Variants in SPRY3 observed in about 807,000 individuals in gnomAD.
SPRY3 encodes the protein sprouty RTK signaling antagonist 3.
SPRY3 carries 15 observed loss-of-function variants against 20.2 expected under a neutral mutation model. The ratio of observed to expected loss-of-function variants is 0.74; its 90% CI spans 0.50 to 1.14. The LOEUF (loss-of-function observed/expected upper bound fraction) is 1.14, where lower values mean the gene tolerates loss of function less well. SPRY3 is among the 50% of genes most tolerant of loss of function. The pLI is 0.00. For synonymous variants in SPRY3, 143 were observed against 136.5 expected, an observed-to-expected ratio of 1.05 and a Z score of -0.33; for missense variants, 364 against 363.9, an observed-to-expected ratio of 1.00 and a Z score of 0.00.
intron 2 of SPRY3, among the ~76,000 whole-genome samples, chrX:155,741,162 C>T (rs997395672): frequency 2.0e-5 from 3 of 152,012 alleles, no homozygotes; most frequent in South Asian, 2.1e-4. Context: ...GCATAAATGA[C>T]GTGATGGAGC....
exon 4 of SPRY3, chrX:155,775,169 G>A (rs1372738428): frequency 1.9e-5 from 4 of 210,780 alleles, no homozygotes; most frequent in East Asian, 1.2e-4. Flanking sequence ...GTGGAACAGC[G>A]TTCAACCTTC....
chrX:155,632,246 C>CACACACAT (rs1557350580), intron 1 of SPRY3, among the ~76,000 whole-genome samples: 3 of 109,788 alleles, frequency 2.7e-5, no homozygotes, highest in Non-Finnish European at 5.7e-5. Flanking sequence ...CACACACACA[C>CACACACAT]GCACACACAC....
In SPRY3 at chrX:155,689,765, AC is replaced by A. The variant is rs1425422829; in HGVS notation, c.-282+32741del. Reference sequence around the variant, plus strand: ...TCTATTTTATTGATTTAAAAAAAAAACAACTCCTGGATTCATTTATCTTTTG... The same window carrying A: ...TCTATTTTATTGATTTAAAAAAAAAAAACTCCTGGATTCATTTATCTTTTG... On this transcript the variant is annotated intron_variant, in intron 2 of 3. Coordinates refer to ENST00000675360, the Ensembl canonical transcript of SPRY3. Among the ~76,000 whole-genome samples, 20 of 85,062 alleles carry A rather than the reference AC, an allele frequency of 2.4e-4. 5 individuals carry two copies. Among genetic ancestry groups the A allele is most frequent in the African/African-American group, 1.1e-3 (20 of 17,525 alleles). 73.9% of individuals were successfully genotyped at this position (85,062 alleles called of 115,157 possible).
downstream of SPRY3, chrX:155,780,381 G>A (rs2091456218): frequency 6.0e-6 from 1 of 166,890 alleles, no homozygotes; most frequent in Non-Finnish European, 1.5e-5. Flanking sequence ...TGTGAACCCT[G>A]AAGAGTCATT....
intron 2 of SPRY3, among the ~76,000 whole-genome samples, chrX:155,767,439 G>GT (rs1470791665): frequency 6.6e-6 from 1 of 152,010 alleles, no homozygotes; most frequent in Non-Finnish European, 1.5e-5. Flanking sequence ...CACACTGGCG[G>GT]TATCTATTGC....
At chrX:155,694,508 T>C (rs927311810) in intron 2 of SPRY3, among the ~76,000 whole-genome samples, 2 of 111,644 alleles carry the variant, frequency 1.8e-5, no homozygotes, top group African/African-American at 6.5e-5. Flanking sequence ...AATTTTTCCA[T>C]GGACCGGGGT....
chrX:155,774,121 A>G (rs751249485), exon 4 of SPRY3: 2 of 1,613,974 alleles, frequency 1.2e-6, no homozygotes, highest in South Asian at 2.2e-5. Flanking sequence ...CCAATCTAGC[A>G]TTGCCAGCTC....
rs192000977 is a variant in SPRY3 at position 155,685,465 on chromosome X, G to C, written c.-282+28440G>C. Among the ~76,000 whole-genome samples the C allele has an allele frequency of 2.1e-4, 23 of 107,718 alleles. No individual in the cohort carries two copies. The Admixed American group carries it at 2.3e-3, about 11-fold the overall frequency. The allele number at this position is 107,718 out of a possible 115,157, so 93.5% of individuals were successfully genotyped here. ...ATACAAGTACAGGTTTGCTACATAG[G>C]TAAACTTGTGTCATAAGGGTTTGTT... On this transcript the variant is annotated intron_variant, in intron 2 of 3. Coordinates refer to ENST00000675360, the Ensembl canonical transcript of SPRY3.
intron 2 of SPRY3, among the ~76,000 whole-genome samples, chrX:155,668,698 C>T (rs2068031691): frequency 9.1e-6 from 1 of 110,141 alleles, no homozygotes; most frequent in African/African-American, 3.3e-5. Context: ...CCTAGAGGAA[C>T]TTCCTCTCCT....
chrX:155,684,594 T>G (rs1438052970), intron 2 of SPRY3, among the ~76,000 whole-genome samples: 2 of 111,946 alleles, frequency 1.8e-5, no homozygotes, highest in Non-Finnish European at 1.9e-5. Flanking sequence ...GAACATCCTA[T>G]CAGACATTTT....
chrX:155,751,683 T>C (rs1385886249), intron 2 of SPRY3, among the ~76,000 whole-genome samples: 3 of 148,438 alleles, frequency 2.0e-5, no homozygotes, highest in African/African-American at 7.6e-5. Context: ...ATGTTTACTA[T>C]ATAGATTTTT....
At chrX:155,718,558 G>C (rs1296316015) in intron 2 of SPRY3, among the ~76,000 whole-genome samples, 1 of 151,976 alleles carries the variant, frequency 6.6e-6, no homozygotes, top group Non-Finnish European at 1.5e-5. Context: ...TGAGACAAAA[G>C]GGTGTTTGAA....
chrX:155,627,053 G>T (rs1170763817), intron 1 of SPRY3, among the ~76,000 whole-genome samples: 1 of 111,799 alleles, frequency 8.9e-6, no homozygotes, highest in Non-Finnish European at 1.9e-5. Flanking sequence ...ATTAACAAAA[G>T]TGCATTATCA....
At chrX:155,708,570 T>G (rs1333663169) in intron 2 of SPRY3, among the ~76,000 whole-genome samples, 1 of 151,404 alleles carries the variant, frequency 6.6e-6, no homozygotes, top group African/African-American at 2.4e-5. Context: ...TTTGAGAAGT[T>G]GTTATTTTTG....
chrX:155,759,532 T>C (rs2091296102), intron 2 of SPRY3, among the ~76,000 whole-genome samples: 1 of 151,948 alleles, frequency 6.6e-6, no homozygotes, highest in Non-Finnish European at 1.5e-5. Context: ...CATATCGCTA[T>C]ATATATATCT....
intron 2 of SPRY3, among the ~76,000 whole-genome samples, chrX:155,709,411 G>A (rs777877244): frequency 4.0e-5 from 6 of 151,898 alleles, no homozygotes; most frequent in Admixed American, 3.3e-4. Context: ...TTTATCTGAT[G>A]AGCAATGATG....
At chrX:155,736,238 A>T (rs1285711606) in intron 2 of SPRY3, among the ~76,000 whole-genome samples, 4 of 151,964 alleles carry the variant, frequency 2.6e-5, no homozygotes, top group Non-Finnish European at 5.9e-5. Flanking sequence ...GAAAAATAAA[A>T]TATTTTATTT....
At chrX:155,720,807 A>G (rs1006282074) in intron 2 of SPRY3, among the ~76,000 whole-genome samples, 3 of 152,190 alleles carry the variant, frequency 2.0e-5, no homozygotes, top group Non-Finnish European at 2.9e-5. Flanking sequence ...AAGCCTTCCC[A>G]AAAAGGTTGG....
intron 2 of SPRY3, among the ~76,000 whole-genome samples, chrX:155,698,139 T>G (rs1381741071): frequency 9.0e-6 from 1 of 111,185 alleles, no homozygotes; most frequent in Non-Finnish European, 1.9e-5. Context: ...CTGCATTCAA[T>G]GCAAGAAATA....
Sources: allele counts gnomAD v4.1 joint callset (sites outside exome capture counted in the v4.1 genomes callset), GRCh38; gene constraint gnomAD v4.1.1; transcripts MANE v1.5; gene names NCBI Gene and HGNC (gene_info 2026-07-23, HGNC 2026-07-21).